The following TAF4 variants were observed in gnomAD, a reference collection of about 807,000 sequenced individuals.
The protein encoded by TAF4 is transcription initiation factor TFIID subunit 4.
Under a neutral mutation model 90.3 loss-of-function variants are expected in TAF4, and 9 were observed. That is an observed-to-expected ratio of 0.10 (90% CI 0.06 to 0.17). TAF4 has a LOEUF of 0.17. Among genes scored for constraint, TAF4 ranks in the 10% least tolerant of loss-of-function variants. The pLI, the probability that TAF4 is intolerant of heterozygous loss-of-function variation, is 1.00. For synonymous variants in TAF4, 818 were observed against 638.9 expected (o/e 1.28, Z -4.23); for missense variants, 1,351 against 1,370.7 (o/e 0.99, Z 0.23).
chr20:62,040,684 G>A (rs2055958565), intron 1 of TAF4, among the ~76,000 whole-genome samples: 1 of 152,200 alleles, frequency 6.6e-6, no homozygotes, highest in Non-Finnish European at 1.5e-5. Flanking sequence ...GAAAAGCCTG[G>A]CCACGCCAAG....
At position 61,990,014 on chromosome 20, in the gene TAF4, G is replaced by A. The variant is rs530985802; in HGVS notation, c.3090+7536C>T. 8.5e-5 allele frequency among the ~76,000 whole-genome samples: 13 copies of A among 152,230 alleles called. No individual in the cohort carries two copies. In the South Asian group the frequency reaches 1.9e-3, roughly 22 times the overall value. ...GTGGGAACGTGTGAAATGCTAACAC[G>A]GCCATGGGAATCGGCCACGACGCTG... On this transcript the variant is annotated intron_variant, in intron 14 of 14. Coordinates refer to ENST00000252996, the MANE Select transcript of TAF4 (RefSeq NM_003185.4).
chr20:62,033,641 G>A (rs2055916069), intron 1 of TAF4, among the ~76,000 whole-genome samples: 1 of 151,884 alleles, frequency 6.6e-6, no homozygotes, highest in Admixed American at 6.6e-5. Context: ...GGAGGCTGAA[G>A]CACAAGAATT....
At chr20:62,021,584 G>A (rs1042943545) in intron 1 of TAF4, among the ~76,000 whole-genome samples, 2 of 152,258 alleles carry the variant, frequency 1.3e-5, no homozygotes, top group South Asian at 2.1e-4. Flanking sequence ...GGGGCTCTGC[G>A]GACTGCGGCT....
intron 1 of TAF4, among the ~76,000 whole-genome samples, chr20:62,021,179 A>C (rs754623400): frequency 6.6e-6 from 1 of 152,202 alleles, no homozygotes; most frequent in Non-Finnish European, 1.5e-5. Context: ...CAAGGCTCAG[A>C]GGCAAAAAAA....
intron 14 of TAF4, 47 bp from the exon 15 acceptor site, chr20:61,976,382 G>A: frequency 6.2e-7 from 1 of 1,601,840 alleles, no homozygotes; most frequent in South Asian, 1.1e-5. Flanking sequence ...GGCTCAGAGT[G>A]GGGCTTGCAA....
At chr20:61,989,741 G>A (rs2055618798) in intron 14 of TAF4, among the ~76,000 whole-genome samples, 1 of 151,744 alleles carries the variant, frequency 6.6e-6, no homozygotes, top group Admixed American at 6.6e-5. Context: ...CAGCACTGCA[G>A]TGAGTGAGTG....
In TAF4 at chr20:61,976,177, G is replaced by A; in HGVS notation, c.3249C>T (p.Phe1083=). The change falls in exon 15 of 15, where the codon TTC becomes TTT. Residue 1083 remains phenylalanine (F), a synonymous_variant. Transcript: ENST00000252996. Reference sequence around the variant, plus strand: ...CAGGCGTCCTCCTGTGTCACTTAAGGAATGCTTTGTAGAGCAGCAGTGAAT... The same window carrying A: ...CAGGCGTCCTCCTGTGTCACTTAAGAAATGCTTTGTAGAGCAGCAGTGAAT... ...TSHSLLLYKA[F]LK The A allele has an allele frequency of 6.2e-7, 1 of 1,614,002 alleles. No homozygotes were observed. Among genetic ancestry groups the A allele is most frequent in the South Asian group, 1.1e-5 (1 of 91,086 alleles).
intron 1 of TAF4, among the ~76,000 whole-genome samples, chr20:62,063,424 T>C (rs1452013509): frequency 2.6e-5 from 4 of 152,092 alleles, no homozygotes; most frequent in African/African-American, 9.7e-5. Context: ...GGAGCTCCCC[T>C]GCCCAGCACC....
chr20:62,026,356 T>A (rs1038647058), intron 1 of TAF4, among the ~76,000 whole-genome samples: 5 of 152,150 alleles, frequency 3.3e-5, no homozygotes, highest in Non-Finnish European at 5.9e-5. Context: ...CCACACTGCC[T>A]TTTTAACAGA....
At chr20:62,063,426 C>G (rs1427796728) in intron 1 of TAF4, among the ~76,000 whole-genome samples, 1 of 152,198 alleles carries the variant, frequency 6.6e-6, no homozygotes, top group Non-Finnish European at 1.5e-5. Context: ...AGCTCCCCTG[C>G]CCAGCACCCA....
Position 62,006,702 on chromosome 20 carries a change from C to T in TAF4, c.2031G>A (p.Gln677=). Residue 677 remains glutamine, a synonymous_variant, in exon 7 of 15, where the codon CAG becomes CAA. Coordinates refer to ENST00000252996, the MANE Select transcript of TAF4 (RefSeq NM_003185.4). The surrounding 1 kb of genome is among the most constrained non-coding windows in gnomAD (Gnocchi z 7.0). The part of the protein sequence containing the change: ...LTPDSAAFIQ[Q]SQQQPPPPTS... Reference sequence around the variant, plus strand: ...TGGGCGGTGGCGGCTGCTGCTGGCTCTGCTGGATGAAGGCCGCGGAGTCGG... The same window carrying T: ...TGGGCGGTGGCGGCTGCTGCTGGCTTTGCTGGATGAAGGCCGCGGAGTCGG... The T allele has an allele frequency of 6.3e-7, 1 of 1,588,014 alleles. No individual in the cohort carries two copies. The highest frequency in any genetic ancestry group is 1.4e-5 in the African/African-American group (1 of 73,840).
chr20:62,009,230 C>T lies in TAF4; in HGVS notation c.1762-56G>A, dbSNP rs536807349. Reference sequence around the variant, plus strand: ...AATCTTAAAAGGCAGATTTTTGTCACAGCCTTTGGTTACTAAAATATGCAT... The same window carrying T: ...AATCTTAAAAGGCAGATTTTTGTCATAGCCTTTGGTTACTAAAATATGCAT... On this transcript the variant is annotated intron_variant, in intron 4 of 14. Transcript: ENST00000252996. The T allele has an allele frequency of 3.2e-5, 49 of 1,533,768 alleles. No individual in the cohort carries two copies. The African/African-American group carries it at 6.4e-4, about 20-fold the overall frequency.
intron 1 of TAF4, among the ~76,000 whole-genome samples, chr20:62,028,365 GA>G (rs1284069039): frequency 6.6e-6 from 1 of 152,122 alleles, no homozygotes; most frequent in Non-Finnish European, 1.5e-5. Context: ...GTTGACCTTT[GA>G]AAAACATGGG....
Position 62,064,581 on chromosome 20 carries a change from C to G in TAF4, c.1230G>C (p.Gln410His). The G allele has an allele frequency of 6.7e-7, 1 of 1,501,062 alleles. No homozygotes were observed. The highest frequency in any genetic ancestry group is 8.8e-7 in the Non-Finnish European group (1 of 1,130,456). 93.0% of individuals were successfully genotyped at this position (1,501,062 alleles called of 1,614,324 possible). ...TGGCCGTGGGCGTCCGGGACAGGCT[C>G]TGGGTCACTGCGCCGGCCGCGCCTT... is the stretch of plus-strand genomic sequence containing the variant. ...LPKGAAGAVT[Q>H]SLSRTPTATT... The change falls in exon 1 of 15, where the codon CAG becomes CAC. Residue 410 changes from glutamine (Q) to histidine (H), a missense_variant. Gln to His is a conservative substitution (Grantham distance 24). Coordinates refer to ENST00000252996, the MANE Select transcript of TAF4 (RefSeq NM_003185.4).
At chr20:62,014,798 G>A in intron 1 of TAF4, 91 bp from the exon 2 acceptor site, 1 of 1,523,116 alleles carries the variant, frequency 6.6e-7, no homozygotes, top group Non-Finnish European at 8.8e-7. Flanking sequence ...TGACAGCTGT[G>A]AGAAGGAAAC....
chr20:62,063,415 G>A (rs193230420), intron 1 of TAF4, among the ~76,000 whole-genome samples: 18 of 152,220 alleles, frequency 1.2e-4, no homozygotes, highest in Admixed American at 7.8e-4. Context: ...GGCCGGGGAG[G>A]AGCTCCCCTG....
Position 61,986,003 on chromosome 20 carries a change from CCAAAGGAAACACCATCCCCCAT to C in TAF4, c.3091-9690_3091-9669del, listed in dbSNP as rs1568922374. 1.2e-4 allele frequency among the ~76,000 whole-genome samples: 14 copies of C among 118,714 alleles called. No homozygotes were observed. The South Asian group carries it at 1.8e-3, about 16-fold the overall frequency. 77.9% of individuals were successfully genotyped at this position (118,714 alleles called of 152,430 possible). A position where few individuals can be genotyped will look rare whatever the true frequency, so the allele number is the denominator to read the frequency against. ...CAATCAAAGGAAATACCATCCCCAA[CCAAAGGAAACACCATCCCCCAT>C]CAAAGGAAACACCATCCCCCATCAA... On this transcript the variant is annotated intron_variant, in intron 14 of 14. Transcript: ENST00000252996.
chr20:62,061,663 T>G (rs1200063867), intron 1 of TAF4, among the ~76,000 whole-genome samples: 1 of 152,228 alleles, frequency 6.6e-6, no homozygotes, highest in Non-Finnish European at 1.5e-5. Flanking sequence ...AATCACAACC[T>G]GACTATGACG....
intron 9 of TAF4, among the ~76,000 whole-genome samples, chr20:62,001,507 G>A (rs28382100): frequency 0.096 from 14,681 of 152,234 alleles, 1,202 homozygotes; most frequent in East Asian, 0.44. Context: ...CCACATGCAC[G>A]CAGCCTCCAC....
Sources: gnomAD v4.1 joint callset for allele counts (sites outside exome capture counted in the v4.1 genomes callset) on GRCh38, gnomAD v4.1.1 for gene constraint, Gnocchi (gnomAD v3.1) non-coding constraint, MANE v1.5 for transcripts, NCBI Gene and HGNC (gene_info 2026-07-23, HGNC 2026-07-21) for gene names.